The following GAD1 variants were observed in gnomAD, a reference collection of about 807,000 sequenced individuals.
GAD1 encodes 67 kDa glutamic acid decarboxylase.
GAD1 carries 35 observed loss-of-function variants against 75.2 expected under a neutral mutation model. The observed-to-expected ratio is 0.47, with a 90% confidence interval of 0.36 to 0.62. GAD1 has a LOEUF of 0.62. GAD1 is among the 20% of genes least tolerant of loss of function. The pLI is 0.00. For missense variants in GAD1, 490 were observed against 758.5 expected, an observed-to-expected ratio of 0.65 and a Z score of 4.16; for synonymous variants, 257 against 271.9, an observed-to-expected ratio of 0.95 and a Z score of 0.54.
intron 3 of GAD1, among the ~76,000 whole-genome samples, chr2:170,828,148 A>ACCCTCCTCCCTCTGCTGTCCTCG (rs1559271691): frequency 3.7e-5 from 3 of 80,062 alleles, no homozygotes; most frequent in Admixed American, 2.4e-4. Context: ...TGCTGTCCTC[A>ACCCTCCTCCCTCTGCTGTCCTCG]CCCTCCTCCC....
intron 3 of GAD1, among the ~76,000 whole-genome samples, chr2:170,823,202 G>A (rs572223855): frequency 8.1e-4 from 124 of 152,304 alleles, no homozygotes; most frequent in African/African-American, 2.8e-3. Context: ...TCCTGCGCGC[G>A]GGAGATAGCG....
chr2:170,842,707 C>T, intron 6 of GAD1: 1 of 1,610,012 alleles, frequency 6.2e-7, no homozygotes, highest in Non-Finnish European at 8.5e-7. Flanking sequence ...CCAGGGGCCT[C>T]CCAAGGAAAA....
intron 3 of GAD1, among the ~76,000 whole-genome samples, chr2:170,828,322 TTCCCTCTGCTGTCATCTTCC>T (rs1424307378): frequency 2.8e-5 from 2 of 70,666 alleles, no homozygotes; most frequent in East Asian, 6.8e-4. Context: ...CCTCACCCTC[TTCCCTCTGCTGTCATCTTCC>T]TCCCTCTGCT....
In GAD1 at chr2:170,839,813, AAAC is replaced by A. The variant is rs1202346311; in HGVS notation, c.638+2935_638+2937del. Among the ~76,000 whole-genome samples the A allele has an allele frequency of 2.6e-5, 4 of 152,298 alleles. No homozygotes were observed. The East Asian group carries it at 7.7e-4, about 29-fold the overall frequency. ...AATTGCGCAGGTAGGGCCCGAGTGTAAACAACAGCCTGCCCTCAAACATCTAAT... is the reference window on the plus strand; with the variant it reads ...AATTGCGCAGGTAGGGCCCGAGTGTAAACAGCCTGCCCTCAAACATCTAAT... On this transcript the variant is annotated intron_variant, in intron 6 of 16. Coordinates refer to ENST00000358196, the MANE Select transcript of GAD1 (RefSeq NM_000817.3).
At chr2:170,852,846 A>T in intron 13 of GAD1, 54 bp downstream of exon 13, 1 of 1,492,932 alleles carries the variant, frequency 6.7e-7, no homozygotes, top group Non-Finnish European at 9.3e-7. Context: ...TAGAAAGCAC[A>T]AAAAGACACA....
chr2:170,856,896 T>C (rs567368141), intron 14 of GAD1, 122 bp from the exon 15 acceptor site: 1 of 802,084 alleles, frequency 1.2e-6, no homozygotes, highest in East Asian at 2.5e-5. Flanking sequence ...TAGATTGTTC[T>C]TCCTAACCAG....
chr2:170,856,087 G>A (rs955707514), intron 14 of GAD1, among the ~76,000 whole-genome samples: 1 of 152,174 alleles, frequency 6.6e-6, no homozygotes, highest in Admixed American at 6.5e-5. Flanking sequence ...TAAGTGGACT[G>A]ACTAGGGTGT....
At position 170,846,166 on chromosome 2, in the gene GAD1, T is replaced by C. The variant is rs1702628698; in HGVS notation, c.1002+103T>C. Reference sequence around the variant, plus strand: ...ATATGAGACAATTTTCTTGTGCTTCTAAAATTCTATTCTTCAAATTTGCTT... The same window carrying C: ...ATATGAGACAATTTTCTTGTGCTTCCAAAATTCTATTCTTCAAATTTGCTT... On this transcript the variant is annotated intron_variant, in intron 10 of 16. Transcript: ENST00000358196. 3.1e-6 allele frequency: 3 copies of C among 982,956 alleles called. No homozygotes were observed. The East Asian group carries it at 7.3e-5, about 24-fold the overall frequency. 60.9% of individuals were successfully genotyped at this position (982,956 alleles called of 1,614,324 possible). A position where few individuals can be genotyped will look rare whatever the true frequency, so the allele number is the denominator to read the frequency against.
At chr2:170,852,829 C>T (rs761101582) in intron 13 of GAD1, 37 bp downstream of exon 13, 45 of 1,578,960 alleles carry the variant, frequency 2.8e-5, no homozygotes, top group South Asian at 3.3e-5. Flanking sequence ...GGGGCCCGTA[C>T]GTTCTTTAGA....
chr2:170,848,138 G>A (rs571814074), intron 11 of GAD1, among the ~76,000 whole-genome samples: 1 of 152,314 alleles, frequency 6.6e-6, no homozygotes, highest in African/African-American at 2.4e-5. Flanking sequence ...CATACAGAAA[G>A]TGGCCATGAA....
chr2:170,828,176 CCT>C (rs150007278), intron 3 of GAD1, among the ~76,000 whole-genome samples: 7,092 of 94,070 alleles, frequency 0.075, 280 homozygotes, highest in Non-Finnish European at 0.12. Context: ...TCCTCGCCCT[CCT>C]CTCTCTGCTG....
chr2:170,835,566 T>G (rs1702351017), intron 5 of GAD1, among the ~76,000 whole-genome samples: 1 of 152,212 alleles, frequency 6.6e-6, no homozygotes, highest in South Asian at 2.1e-4. Context: ...TTTGTGTCCT[T>G]TATATTTTAA....
At chr2:170,832,393 C>CTG (rs1702253575) in intron 5 of GAD1, among the ~76,000 whole-genome samples, 1 of 152,090 alleles carries the variant, frequency 6.6e-6, no homozygotes, top group South Asian at 2.1e-4. Context: ...GGCCTTCATC[C>CTG]TGTGTGTGTG....
At chr2:170,815,003 C>T (rs1016632872), upstream of GAD1, among the ~76,000 whole-genome samples, 2 of 152,128 alleles carry the variant, frequency 1.3e-5, no homozygotes, top group African/African-American at 2.4e-5. Context: ...CGAGGGGCAC[C>T]GGGAGATGTG....
chr2:170,849,216 G>A, intron 11 of GAD1, 70 bp from the exon 12 acceptor site: 1 of 1,326,396 alleles, frequency 7.5e-7, no homozygotes, highest in South Asian at 1.2e-5. Context: ...TAGTAGAAGT[G>A]AGGACTGACT....
chr2:170,818,734 T>C lies in GAD1; in HGVS notation c.82+61T>C. On this transcript the variant is annotated intron_variant, in intron 2 of 16. Coordinates refer to ENST00000358196, the MANE Select transcript of GAD1 (RefSeq NM_000817.3). The surrounding 1 kb of genome is among the most constrained non-coding windows in gnomAD (Gnocchi z 5.9). Reference sequence around the variant, plus strand: ...CAGGGAAGATGGGGGCGCTGGGACGTCGGGAGGCTGAGCTGGCGGAAAGGG... The same window carrying C: ...CAGGGAAGATGGGGGCGCTGGGACGCCGGGAGGCTGAGCTGGCGGAAAGGG... 2.6e-6 allele frequency: 4 copies of C among 1,519,706 alleles called. No individual in the cohort carries two copies. Among genetic ancestry groups the C allele is most frequent in the Non-Finnish European group, 3.7e-6 (4 of 1,094,034 alleles). 94.1% of individuals were successfully genotyped at this position (1,519,706 alleles called of 1,614,324 possible). A position where few individuals can be genotyped will look rare whatever the true frequency, so the allele number is the denominator to read the frequency against.
chr2:170,850,053 T>C (rs1702716124), intron 12 of GAD1, among the ~76,000 whole-genome samples: 2 of 152,250 alleles, frequency 1.3e-5, no homozygotes, highest in Admixed American at 1.3e-4. Flanking sequence ...ATGTATTTAC[T>C]GAGCACCTAT....
chr2:170,838,980 C>G (rs1199734535), intron 6 of GAD1, among the ~76,000 whole-genome samples: 2 of 152,182 alleles, frequency 1.3e-5, no homozygotes, highest in Non-Finnish European at 2.9e-5. Context: ...GAAGCAATAA[C>G]TATTATCTAG....
intron 5 of GAD1, among the ~76,000 whole-genome samples, chr2:170,834,309 A>G (rs1373244754): frequency 6.6e-6 from 1 of 152,236 alleles, no homozygotes; most frequent in Non-Finnish European, 1.5e-5. Context: ...TACACACAGT[A>G]GAAAGTATTT....
Sources: gnomAD v4.1 joint callset for allele counts (sites outside exome capture counted in the v4.1 genomes callset) on GRCh38, gnomAD v4.1.1 for gene constraint, Gnocchi (gnomAD v3.1) non-coding constraint, MANE v1.5 for transcripts, NCBI Gene and HGNC (gene_info 2026-07-23, HGNC 2026-07-21) for gene names.